Variants in ERC2 observed in about 807,000 individuals in gnomAD.
ERC2 encodes ERC protein 2.
ERC2 carries 42 observed loss-of-function variants against 114.8 expected under a neutral mutation model. The observed-to-expected ratio is 0.37, with a 90% CI of 0.29 to 0.47. ERC2 has a LOEUF of 0.47. Ranked by LOEUF, ERC2 falls within the 20% of genes least tolerant of loss-of-function variation. The pLI is 0.99. For missense variants in ERC2, 939 were observed against 1,150.7 expected, an observed-to-expected ratio of 0.82 and a Z score of 2.66; for synonymous variants, 454 against 425.5, an observed-to-expected ratio of 1.07 and a Z score of -0.82.
chr3:56,081,732 T>C (rs937337661), intron 6 of ERC2, among the ~76,000 whole-genome samples: 4 of 152,136 alleles, frequency 2.6e-5, no homozygotes, highest in Non-Finnish European at 5.9e-5. Context: ...GAAAGGTCTA[T>C]TTCTAGACTA....
chr3:55,805,754 G>A lies in ERC2; in HGVS notation c.2565-70836C>T, dbSNP rs946824442. 4.6e-5 allele frequency among the ~76,000 whole-genome samples: 7 copies of A among 152,038 alleles called. No individual in the cohort carries two copies. In the East Asian group the frequency reaches 5.8e-4, roughly 13 times the overall value. On this transcript the variant is annotated intron_variant, in intron 14 of 17. Transcript: ENST00000288221. ...AACCCTAAAATAAATGGTCCTGATCGGATTACACACCCAGAAACCCAGCTC... is the reference window on the plus strand; with the variant it reads ...AACCCTAAAATAAATGGTCCTGATCAGATTACACACCCAGAAACCCAGCTC...
chr3:55,654,218 C>T (rs997186632), intron 17 of ERC2, among the ~76,000 whole-genome samples: 1 of 152,222 alleles, frequency 6.6e-6, no homozygotes, highest in Non-Finnish European at 1.5e-5. Flanking sequence ...AGCAGGGCCA[C>T]CCATGCTAAG....
chr3:56,155,570 G>A (rs1021457688), intron 4 of ERC2, among the ~76,000 whole-genome samples: 3 of 152,054 alleles, frequency 2.0e-5, no homozygotes, highest in African/African-American at 7.2e-5. Context: ...ATGCACAAGT[G>A]ATAGCGTGAA....
At chr3:56,466,068 G>A (rs531541781) in intron 1 of ERC2, among the ~76,000 whole-genome samples, 45 of 152,248 alleles carry the variant, frequency 3.0e-4, no homozygotes, top group African/African-American at 8.9e-4. Flanking sequence ...CTATAATTTG[G>A]GCGTAAGAAT....
rs536477172 is a variant in ERC2 at position 56,017,527 on chromosome 3, C to T, written c.1779+1367G>A. Among the ~76,000 whole-genome samples, 213 of 152,222 alleles carry T rather than the reference C, an allele frequency of 1.4e-3. 1 individual carries two copies. The highest frequency in any genetic ancestry group is 4.8e-3 in the African/African-American group (201 of 41,550). Reference sequence around the variant, plus strand: ...TCACAAGGGCCTGTGAAATCTGCTGCCCTTCCTCTCACCCACACCCTTGTA... The same window carrying T: ...TCACAAGGGCCTGTGAAATCTGCTGTCCTTCCTCTCACCCACACCCTTGTA... On this transcript the variant is annotated intron_variant, in intron 8 of 17. Transcript: ENST00000288221.
At chr3:56,090,757 C>T (rs556410129) in intron 6 of ERC2, among the ~76,000 whole-genome samples, 1 of 150,000 alleles carries the variant, frequency 6.7e-6, no homozygotes, top group Non-Finnish European at 1.5e-5. Context: ...ACATTGTGCC[C>T]GATAGGTGAT....
In ERC2 at chr3:55,913,893, C is replaced by A. The variant is rs371755155; in HGVS notation, c.2404-25344G>T. ...GCATCAATAAAAGACCACTCTGTACCCTTTTTCTAGTAGTATCTCCCTTGA... is the reference window on the plus strand; with the variant it reads ...GCATCAATAAAAGACCACTCTGTACACTTTTTCTAGTAGTATCTCCCTTGA... On this transcript the variant is annotated intron_variant, in intron 13 of 17. Transcript: ENST00000288221. 9.8e-5 allele frequency among the ~76,000 whole-genome samples: 15 copies of A among 152,304 alleles called. No individual in the cohort carries two copies. In the East Asian group the frequency reaches 1.5e-3, roughly 16 times the overall value.
chr3:56,273,540 C>T (rs1436830004), intron 3 of ERC2, among the ~76,000 whole-genome samples: 3 of 152,080 alleles, frequency 2.0e-5, no homozygotes, highest in South Asian at 2.1e-4. Flanking sequence ...CCACCACACC[C>T]GGTCAAGGAC....
At chr3:56,387,437 A>G (rs1560725482) in intron 2 of ERC2, among the ~76,000 whole-genome samples, 1 of 152,200 alleles carries the variant, frequency 6.6e-6, no homozygotes. Flanking sequence ...ACACACTAAT[A>G]AAATGGGCAG....
At chr3:55,673,253 T>G (rs931430682) in intron 17 of ERC2, among the ~76,000 whole-genome samples, 1 of 152,178 alleles carries the variant, frequency 6.6e-6, no homozygotes, top group Non-Finnish European at 1.5e-5. Flanking sequence ...AAAACAGGCT[T>G]GCCATGAGTT....
intron 17 of ERC2, among the ~76,000 whole-genome samples, chr3:55,518,029 G>T (rs962250706): frequency 1.3e-5 from 2 of 152,022 alleles, no homozygotes; most frequent in Non-Finnish European, 2.9e-5. Flanking sequence ...TTTGCTGTGG[G>T]GGCTGCCCTG....
chr3:56,303,730 G>T (rs902286007), intron 2 of ERC2, among the ~76,000 whole-genome samples: 3 of 152,196 alleles, frequency 2.0e-5, no homozygotes, highest in Non-Finnish European at 4.4e-5. Flanking sequence ...TCACTGAAGC[G>T]AGGGAACTGA....
At position 55,959,733 on chromosome 3, in the gene ERC2, T is replaced by C. The variant is rs899731424; in HGVS notation, c.2268-9173A>G. On this transcript the variant is annotated intron_variant, in intron 12 of 17. Coordinates refer to ENST00000288221, the MANE Select transcript of ERC2 (RefSeq NM_015576.3). ...TGAGCCAGAGAGCACAGGGTGGTCATGTAGGGCTGAGAATAGTGGCCCTGG... is the reference window on the plus strand; with the variant it reads ...TGAGCCAGAGAGCACAGGGTGGTCACGTAGGGCTGAGAATAGTGGCCCTGG... 5.3e-5 allele frequency among the ~76,000 whole-genome samples: 8 copies of C among 152,334 alleles called. No individual in the cohort carries two copies. In the East Asian group the frequency reaches 1.5e-3, roughly 29 times the overall value.
At chr3:55,631,387 C>A (rs142580868) in intron 17 of ERC2, among the ~76,000 whole-genome samples, 2 of 152,322 alleles carry the variant, frequency 1.3e-5, no homozygotes, top group African/African-American at 2.4e-5. Flanking sequence ...CCAAACATAA[C>A]AGCCAATTCA....
chr3:56,314,026 C>T (rs1560576408), intron 2 of ERC2, among the ~76,000 whole-genome samples: 1 of 152,122 alleles, frequency 6.6e-6, no homozygotes, highest in Non-Finnish European at 1.5e-5. Context: ...TTCTGACATG[C>T]AGTATTCGGT....
intron 13 of ERC2, among the ~76,000 whole-genome samples, chr3:55,924,583 T>C (rs1323188069): frequency 6.6e-6 from 1 of 152,014 alleles, no homozygotes; most frequent in Non-Finnish European, 1.5e-5. Context: ...TGGACCCAGA[T>C]ATAGCTGAAT....
chr3:56,256,007 C>G (rs1192240956), intron 3 of ERC2, among the ~76,000 whole-genome samples: 4 of 152,182 alleles, frequency 2.6e-5, no homozygotes, highest in Non-Finnish European at 5.9e-5. Context: ...AACTCCAAAA[C>G]AGTTCCCTCA....
chr3:56,385,870 A>G (rs978753744), intron 2 of ERC2, among the ~76,000 whole-genome samples: 1 of 152,200 alleles, frequency 6.6e-6, no homozygotes, highest in Non-Finnish European at 1.5e-5. Context: ...CAGCTATAAA[A>G]TGAGTAAGAA....
intron 16 of ERC2, among the ~76,000 whole-genome samples, chr3:55,693,181 G>A (rs1354868769): frequency 2.0e-5 from 3 of 152,172 alleles, no homozygotes; most frequent in Non-Finnish European, 1.5e-5. Context: ...ATAATATTTA[G>A]GATTAGGGCA....
Sources: allele counts gnomAD v4.1 joint callset (sites outside exome capture counted in the v4.1 genomes callset), GRCh38; gene constraint gnomAD v4.1.1; transcripts MANE v1.5; gene names NCBI Gene and HGNC (gene_info 2026-07-23, HGNC 2026-07-21).